DST: variants seen among roughly 807,000 people sequenced by gnomAD.
DST encodes the protein dystonin.
In DST, 253 loss-of-function variants were observed where a neutral mutation model predicts 875.2. That is an observed-to-expected ratio of 0.29 (90% CI 0.26 to 0.32). The LOEUF is 0.32. Ranked by LOEUF, DST falls within the 10% of genes least tolerant of loss-of-function variation. DST has a pLI of 1.00. For synonymous variants in DST, 3,124 were observed against 3,197.1 expected, an observed-to-expected ratio of 0.98 and a Z score of 0.77; for missense variants, 8,287 against 9,111.6, an observed-to-expected ratio of 0.91 and a Z score of 3.68.
In DST at chr6:56,642,647, C is replaced by T. The variant is rs760112280; in HGVS notation, c.1779-144G>A. The stretch of plus-strand genomic sequence containing the variant: ...CTGTGTCCATCAAAGGATTCACTGC[C>T]GAAGCTAATGCAAGAGTTGATCAGT... On this transcript the variant is annotated intron_variant, in intron 15 of 103. Coordinates refer to ENST00000680361, the MANE Select transcript of DST (RefSeq NM_001374736.1). The T allele has an allele frequency of 8.1e-6, 13 of 1,613,954 alleles. No individual in the cohort carries two copies. The highest frequency in any genetic ancestry group is 1.6e-4 in the Middle Eastern group (1 of 6,084).
intron 4 of DST, among the ~76,000 whole-genome samples, chr6:56,759,766 G>A (rs889682986): frequency 4.6e-5 from 7 of 152,126 alleles, no homozygotes; most frequent in Admixed American, 1.3e-4. Flanking sequence ...CCAGAGGCGC[G>A]TGTGAATCTG....
intron 10 of DST, among the ~76,000 whole-genome samples, chr6:56,668,406 G>A (rs577519627): frequency 6.6e-6 from 1 of 152,040 alleles, no homozygotes; most frequent in Non-Finnish European, 1.5e-5. Context: ...GTTCCACAAA[G>A]GAAGGATACA....
intron 10 of DST, among the ~76,000 whole-genome samples, chr6:56,668,262 A>G (rs2099081900): frequency 6.6e-6 from 1 of 152,214 alleles, no homozygotes; most frequent in African/African-American, 2.4e-5. Context: ...TGGAAAGTGT[A>G]ATATGATGAT....
intron 4 of DST, among the ~76,000 whole-genome samples, chr6:56,778,006 A>G (rs1251607237): frequency 6.6e-6 from 1 of 152,098 alleles, no homozygotes; most frequent in Non-Finnish European, 1.5e-5. Flanking sequence ...CCCGGCCTGT[A>G]AGGAGTATTT....
Position 56,701,892 on chromosome 6 carries a change from C to A in DST, c.950G>T (p.Arg317Leu), listed in dbSNP as rs780894269. 5.0e-6 allele frequency: 8 copies of A among 1,592,528 alleles called. No homozygotes were observed. Among genetic ancestry groups the A allele is most frequent in the Non-Finnish European group, 6.9e-6 (8 of 1,162,104 alleles). Residue 317 changes from arginine (R) to leucine (L), a missense_variant, in exon 8 of 104, where the codon CGC becomes CTC. Physicochemically the swap from Arg to Leu is moderately radical, Grantham distance 102. This residue lies in a region of DST where 1,160 missense variants were observed against 1,424.3 expected (regional missense o/e 0.81). Transcript: ENST00000680361. ...AGTATTTTCAAAACATCATACCTGG[C>A]GTCTTTTCAAATAGTCAAGTGCAAT... is the stretch of plus-strand genomic sequence containing the variant. The part of the protein sequence containing the change: ...VQIALDYLKR[R>L]QVKLVNIRND...
chr6:56,612,794 G>T (rs1333298513), intron 37 of DST, among the ~76,000 whole-genome samples: 1 of 152,164 alleles, frequency 6.6e-6, no homozygotes, highest in African/African-American at 2.4e-5. Flanking sequence ...CATTAAGAAT[G>T]TATCTAGGGT....
intron 49 of DST, among the ~76,000 whole-genome samples, chr6:56,587,379 C>T (rs559390108): frequency 1.5e-4 from 23 of 152,202 alleles, no homozygotes; most frequent in African/African-American, 2.2e-4. Context: ...TAAAAAGAAA[C>T]GAACAAAGCC....
chr6:56,921,816 A>T (rs899508860), intron 2 of DST, among the ~76,000 whole-genome samples: 3 of 152,146 alleles, frequency 2.0e-5, no homozygotes, highest in African/African-American at 7.2e-5. Flanking sequence ...TATTTCGTAT[A>T]TTTATCTCCA....
chr6:56,737,750 C>A (rs1335183063), intron 4 of DST, among the ~76,000 whole-genome samples: 1 of 152,156 alleles, frequency 6.6e-6, no homozygotes, highest in Non-Finnish European at 1.5e-5. Context: ...CACTGCTGTA[C>A]AACAATTTGT....
intron 85 of DST, among the ~76,000 whole-genome samples, chr6:56,491,190 T>C (rs1743397118): frequency 6.6e-6 from 1 of 152,192 alleles, no homozygotes; most frequent in Admixed American, 6.5e-5. Flanking sequence ...TGGTGTGTAA[T>C]GCTATAACAA....
At chr6:56,629,628 C>CT (rs2098760952) in intron 31 of DST, among the ~76,000 whole-genome samples, 185 bp from the exon 32 acceptor site, 1 of 152,096 alleles carries the variant, frequency 6.6e-6, no homozygotes, top group Non-Finnish European at 1.5e-5. Flanking sequence ...TATTTGTACT[C>CT]TGATTTTTTA....
intron 38 of DST, among the ~76,000 whole-genome samples, chr6:56,610,861 T>C (rs1242555100): frequency 1.3e-5 from 2 of 152,178 alleles, no homozygotes; most frequent in African/African-American, 2.4e-5. Context: ...TAAGGTCTCA[T>C]TGTTAATCCC....
chr6:56,666,481 G>C (rs1451492430), intron 10 of DST, among the ~76,000 whole-genome samples: 1 of 151,762 alleles, frequency 6.6e-6, no homozygotes, highest in Non-Finnish European at 1.5e-5. Context: ...ATTCTATCTT[G>C]AGTATGCAAA....
chr6:56,934,342 C>A (rs889996672), intron 2 of DST, among the ~76,000 whole-genome samples: 2 of 151,526 alleles, frequency 1.3e-5, no homozygotes, highest in South Asian at 4.2e-4. Context: ...ACTTGACCCT[C>A]AAAAAATGGC....
intron 4 of DST, among the ~76,000 whole-genome samples, chr6:56,782,405 G>C (rs1326815018): frequency 6.6e-6 from 1 of 152,218 alleles, no homozygotes; most frequent in Non-Finnish European, 1.5e-5. Flanking sequence ...TTCAGAGCCT[G>C]TTATTGGTCT....
At chr6:56,473,828 G>A (rs1163655587) in intron 93 of DST, 45 bp downstream of exon 93, 1 of 1,545,002 alleles carries the variant, frequency 6.5e-7, no homozygotes, top group African/African-American at 1.4e-5. Flanking sequence ...AAGAAAATTA[G>A]CTCCCTTATT....
intron 62 of DST, 139 bp from the exon 63 acceptor site, chr6:56,535,431 G>A: frequency 1.0e-6 from 1 of 993,744 alleles, no homozygotes; most frequent in Non-Finnish European, 1.4e-6. Flanking sequence ...TTTACCCAAA[G>A]TATCGATAGT....
chr6:56,477,890 T>C (rs1166681896), intron 90 of DST, among the ~76,000 whole-genome samples: 1 of 152,222 alleles, frequency 6.6e-6, no homozygotes, highest in African/African-American at 2.4e-5. Context: ...ATAGTTGTTA[T>C]ACTGTATTGT....
At chr6:56,558,700 G>A (rs896626210) in intron 58 of DST, among the ~76,000 whole-genome samples, 4 of 152,060 alleles carry the variant, frequency 2.6e-5, no homozygotes, top group Non-Finnish European at 4.4e-5. Context: ...TTACCTAGAC[G>A]ATAAAATCTG....
Sources: gnomAD v4.1 joint callset for allele counts (sites outside exome capture counted in the v4.1 genomes callset) on GRCh38, gnomAD v4.1.1 for gene constraint, gnomAD v4.1.1 regional missense constraint, MANE v1.5 for transcripts, NCBI Gene and HGNC (gene_info 2026-07-23, HGNC 2026-07-21) for gene names.